MMS22L: variants seen among roughly 807,000 people sequenced by gnomAD.
The protein encoded by MMS22L is MMS22 like, DNA repair protein.
Under a neutral mutation model 159.1 loss-of-function variants are expected in MMS22L, and 74 were observed. That is an observed-to-expected ratio of 0.47 (90% CI 0.39 to 0.56). The LOEUF is 0.56. Among genes scored for constraint, MMS22L ranks in the 20% least tolerant of loss-of-function variants. The pLI, the probability that MMS22L is intolerant of heterozygous loss-of-function variation, is 0.00. For synonymous variants in MMS22L, 517 were observed against 506.9 expected, an observed-to-expected ratio of 1.02 and a Z score of -0.27; for missense variants, 1,351 against 1,422.1, an observed-to-expected ratio of 0.95 and a Z score of 0.80.
chr6:97,246,174 A>G (rs1459624733), intron 11 of MMS22L: 1 of 454,258 alleles, frequency 2.2e-6, no homozygotes, highest in Admixed American at 2.4e-5. Context: ...AAGAAAAATG[A>G]TAAGGTATGA....
chr6:97,233,782 A>C (rs943453016), intron 12 of MMS22L, 79 bp downstream of exon 12: 12 of 1,443,092 alleles, frequency 8.3e-6, no homozygotes, highest in Non-Finnish European at 1.1e-5. Context: ...AACTATTCAT[A>C]ATTAAACCAT....
chr6:97,169,185 C>T (rs1286625644), intron 19 of MMS22L, among the ~76,000 whole-genome samples: 1 of 151,976 alleles, frequency 6.6e-6, no homozygotes, highest in Non-Finnish European at 1.5e-5. Context: ...AAACAGATTT[C>T]TTTGCTACTT....
chr6:97,229,814 T>C (rs1582708700), intron 13 of MMS22L, among the ~76,000 whole-genome samples: 1 of 152,250 alleles, frequency 6.6e-6, no homozygotes, highest in East Asian at 1.9e-4. Flanking sequence ...ATGTAACAAT[T>C]TTCCTTAAAC....
intron 14 of MMS22L, among the ~76,000 whole-genome samples, chr6:97,212,461 ACT>A (rs1271895341): frequency 6.6e-6 from 1 of 152,052 alleles, no homozygotes; most frequent in East Asian, 1.9e-4. Context: ...AGAATGGAAA[ACT>A]CTGTCTAATA....
chr6:97,160,431 T>C (rs1802319339), intron 22 of MMS22L, among the ~76,000 whole-genome samples: 1 of 152,072 alleles, frequency 6.6e-6, no homozygotes, highest in African/African-American at 2.4e-5. Context: ...GTGAATGCTA[T>C]CCCACTGTCT....
chr6:97,209,905 T>C (rs2127940106), intron 14 of MMS22L, among the ~76,000 whole-genome samples: 1 of 152,086 alleles, frequency 6.6e-6, no homozygotes, highest in Non-Finnish European at 1.5e-5. Flanking sequence ...AATGGTAATT[T>C]AGTAAAATTT....
At chr6:97,246,534 T>A in intron 11 of MMS22L, 94 bp downstream of exon 11, 1 of 934,292 alleles carries the variant, frequency 1.1e-6, no homozygotes, top group East Asian at 2.6e-5. Flanking sequence ...ATTTGTTTTC[T>A]GAATCATTTT....
In MMS22L at chr6:97,282,323, G is replaced by A. The variant is rs1269426936; in HGVS notation, c.155C>T (p.Ala52Val). Residue 52 changes from alanine to valine, a missense_variant, in exon 2 of 25, where the codon GCC (alanine) becomes GTC (valine). Transcript: ENST00000683635. ...FSGESYLCSGALKRLILNLDP... is the reference protein window; with the variant it reads ...FSGESYLCSGVLKRLILNLDP... ...TCTGAGTTTTACCTACCGCTTAAGG[G>A]CTCCGCTGCAGAGGTAGGATTCTCC... 1.2e-6 allele frequency: 2 copies of A among 1,613,852 alleles called. No individual in the cohort carries two copies. The highest frequency in any genetic ancestry group is 1.1e-5 in the South Asian group (1 of 91,062).
Position 97,233,881 on chromosome 6 carries a change from C to T in MMS22L, c.1282G>A (p.Glu428Lys), listed in dbSNP as rs1340986602. ...PNIAIVTILW[E>K]YYSKNLNSSF... Reference sequence around the variant, plus strand: ...CTCACCAGGTTCTTACTATAATATTCCCATAAAATGGTAACAATTGCAATG... The same window carrying T: ...CTCACCAGGTTCTTACTATAATATTTCCATAAAATGGTAACAATTGCAATG... Residue 428 changes from glutamate (E) to lysine (K), a missense_variant, in exon 12 of 25, where the codon GAA becomes AAA. Coordinates refer to ENST00000683635, the MANE Select transcript of MMS22L (RefSeq NM_001350599.2). 6.2e-7 allele frequency: 1 copy of T among 1,607,934 alleles called. No homozygotes were observed. Among genetic ancestry groups the T allele is most frequent in the South Asian group, 1.1e-5 (1 of 89,698 alleles).
At position 97,173,279 on chromosome 6, in the gene MMS22L, G is replaced by A; in HGVS notation, c.2680-57C>T. 8.5e-6 allele frequency: 13 copies of A among 1,530,328 alleles called. No homozygotes were observed. The South Asian group carries it at 1.5e-4, about 18-fold the overall frequency. The allele number at this position is 1,530,328 out of a possible 1,614,324, so 94.8% of individuals were successfully genotyped here. On this transcript the variant is annotated intron_variant, in intron 18 of 24. Coordinates refer to ENST00000683635, the MANE Select transcript of MMS22L (RefSeq NM_001350599.2). ...CCAAAGTTTATACCATAAAGATTTG[G>A]AACATAAAGATAATTTTTCTCTCTT...
chr6:97,166,387 G>C (rs1276216484), intron 20 of MMS22L, among the ~76,000 whole-genome samples: 2 of 152,058 alleles, frequency 1.3e-5, no homozygotes, highest in African/African-American at 2.4e-5. Flanking sequence ...TAAAATGTTT[G>C]AAGTCTCCAT....
At chr6:97,265,937 G>T (rs930324388) in intron 8 of MMS22L, 2 of 152,072 alleles carry the variant, frequency 1.3e-5, no homozygotes, top group African/African-American at 4.8e-5. Flanking sequence ...AACCAGGATG[G>T]TCTCGATCTC....
At chr6:97,270,045 T>C (rs905662913) in intron 6 of MMS22L, 53 bp from the exon 7 acceptor site, 12 of 1,380,348 alleles carry the variant, frequency 8.7e-6, no homozygotes, top group Non-Finnish European at 1.2e-5. Flanking sequence ...TTTTACTAGG[T>C]ATTTCATAGC....
chr6:97,193,188 T>A (rs1806075333), intron 14 of MMS22L, among the ~76,000 whole-genome samples: 1 of 152,168 alleles, frequency 6.6e-6, no homozygotes, highest in Admixed American at 6.5e-5. Flanking sequence ...TCTATAGGGA[T>A]TCCAAAGGTC....
intron 14 of MMS22L, among the ~76,000 whole-genome samples, chr6:97,204,241 C>A (rs1807507014): frequency 6.6e-6 from 1 of 152,118 alleles, no homozygotes; most frequent in Non-Finnish European, 1.5e-5. Context: ...GCATTTCATC[C>A]CCATGCCTCC....
At chr6:97,176,637 CATACGTGACCAGTCCCCA>C (rs1249137598) in intron 18 of MMS22L, among the ~76,000 whole-genome samples, 8 of 152,236 alleles carry the variant, frequency 5.3e-5, no homozygotes, top group Non-Finnish European at 7.4e-5. Context: ...GCAAAGAGGG[CATACGTGACCAGTCCCCA>C]ATAATAACCA....
Position 97,263,397 on chromosome 6 carries a change from T to C in MMS22L, c.880A>G (p.Lys294Glu), listed in dbSNP as rs1382795733. 1.3e-6 allele frequency: 2 copies of C among 1,594,850 alleles called. No homozygotes were observed. The highest frequency in any genetic ancestry group is 1.7e-6 in the Non-Finnish European group (2 of 1,174,210). ...TGAATAAGTAGAACCCATAATTCTT[T>C]AATGCATAAACATGGACACTGGTCA... ...MSDQCPCLCIKELWVLLIHLL... is the reference protein window; with the variant it reads ...MSDQCPCLCIEELWVLLIHLL... Residue 294 changes from lysine (K) to glutamate (E), a missense_variant, in exon 9 of 25, where the codon AAA (lysine) becomes GAA (glutamate). By Grantham distance (56) the Lys-to-Glu change is moderately conservative. Coordinates refer to ENST00000683635, the MANE Select transcript of MMS22L (RefSeq NM_001350599.2).
intron 10 of MMS22L, among the ~76,000 whole-genome samples, chr6:97,251,652 C>T (rs546715161): frequency 3.3e-5 from 5 of 152,010 alleles, no homozygotes; most frequent in South Asian, 4.1e-4. Flanking sequence ...TTTTTAAAAT[C>T]GTGGCAAAAG....
chr6:97,198,535 T>C (rs1806793801), intron 14 of MMS22L, among the ~76,000 whole-genome samples: 2 of 152,112 alleles, frequency 1.3e-5, no homozygotes, highest in African/African-American at 2.4e-5. Context: ...CTAAAGGGCA[T>C]ATAAGAAGCA....
Sources: gnomAD v4.1 joint callset for allele counts (sites outside exome capture counted in the v4.1 genomes callset) on GRCh38, gnomAD v4.1.1 for gene constraint, MANE v1.5 for transcripts, NCBI Gene and HGNC (gene_info 2026-07-23, HGNC 2026-07-21) for gene names.